The following TM6SF1 variants were observed in gnomAD, a reference collection of about 807,000 sequenced individuals.
TM6SF1 encodes the protein transmembrane 6 superfamily member 1.
In TM6SF1, 43 loss-of-function variants were observed where a neutral mutation model predicts 47.1. The ratio of observed to expected loss-of-function variants is 0.91; its 90% CI spans 0.72 to 1.18. The LOEUF is 1.18. TM6SF1 is among the 50% of genes most tolerant of loss of function. The pLI is 0.00. For synonymous variants in TM6SF1, 177 were observed against 166.3 expected (o/e 1.06, Z -0.49); for missense variants, 390 against 449.0 (o/e 0.87, Z 1.19).
At chr15:83,117,805 C>T (rs921001364) in intron 3 of TM6SF1, among the ~76,000 whole-genome samples, 1 of 152,002 alleles carries the variant, frequency 6.6e-6, no homozygotes, top group African/African-American at 2.4e-5. Flanking sequence ...AGAGCCAGGC[C>T]TTGAGAATCT....
At chr15:83,126,610 T>C in intron 7 of TM6SF1, 145 bp from the exon 8 acceptor site, 1 of 611,266 alleles carries the variant, frequency 1.6e-6, no homozygotes, top group South Asian at 2.3e-5. Flanking sequence ...GCAAAATATT[T>C]CCATCATTGA....
At chr15:83,124,888 A>G in intron 7 of TM6SF1, 112 bp downstream of exon 7, 1 of 924,144 alleles carries the variant, frequency 1.1e-6, no homozygotes, top group Non-Finnish European at 1.7e-6. Flanking sequence ...TAGCAAACTA[A>G]CAAACCATTC....
intron 1 of TM6SF1, 132 bp from the exon 2 acceptor site, chr15:83,112,665 G>A (rs2034292607): frequency 8.5e-6 from 6 of 704,484 alleles, no homozygotes; most frequent in East Asian, 7.8e-5. Context: ...ACAGTGCTGG[G>A]AGCTGCAGGC....
intron 2 of TM6SF1, chr15:83,114,005 A>T (rs990193221): frequency 2.0e-5 from 3 of 152,258 alleles, no homozygotes; most frequent in African/African-American, 7.2e-5. Flanking sequence ...GAAGCTTCAG[A>T]AATGATGTAA....
At chr15:83,119,784 T>C (rs1048269343) in intron 4 of TM6SF1, 103 bp downstream of exon 4, 2 of 1,551,884 alleles carry the variant, frequency 1.3e-6, no homozygotes, top group African/African-American at 2.7e-5. Flanking sequence ...GCAGGTATAC[T>C]GGACATGAAT....
Position 83,107,946 on chromosome 15 carries a change from C to A in TM6SF1, c.92+174C>A. 1.6e-6 allele frequency: 2 copies of A among 1,240,572 alleles called. No individual in the cohort carries two copies. The highest frequency in any genetic ancestry group is 2.1e-6 in the Non-Finnish European group (2 of 974,458). The allele number at this position is 1,240,572 out of a possible 1,614,324, so 76.8% of individuals were successfully genotyped here. A position where few individuals can be genotyped will look rare whatever the true frequency, so the allele number is the denominator to read the frequency against. ...GACTAGGGGGGCGCCCCAGGGGTCGCACGGGCCGGGTCTTGGAGCCGGGCC... is the reference window on the plus strand; with the variant it reads ...GACTAGGGGGGCGCCCCAGGGGTCGAACGGGCCGGGTCTTGGAGCCGGGCC... On this transcript the variant is annotated intron_variant, in intron 1 of 9. Transcript: ENST00000322019. The surrounding 1 kb of genome is among the most constrained non-coding windows in gnomAD (Gnocchi z 5.6).
At chr15:83,110,931 T>C (rs58281154) in intron 1 of TM6SF1, among the ~76,000 whole-genome samples, 38,410 of 152,136 alleles carry the variant, frequency 0.25, 5,232 homozygotes, top group African/African-American at 0.35. Flanking sequence ...ACTGCAGTGG[T>C]GCAATCTTGG....
At chr15:83,112,231 C>G (rs2034256396) in intron 1 of TM6SF1, among the ~76,000 whole-genome samples, 1 of 152,188 alleles carries the variant, frequency 6.6e-6, no homozygotes, top group Non-Finnish European at 1.5e-5. Flanking sequence ...TCATTCTGGC[C>G]TCAGGTCTAG....
chr15:83,110,493 G>A (rs951627757), intron 1 of TM6SF1, among the ~76,000 whole-genome samples: 5 of 152,154 alleles, frequency 3.3e-5, no homozygotes. Flanking sequence ...GGAGCTAAGA[G>A]CATGAGAGGA....
chr15:83,137,231 A>G lies in TM6SF1; in HGVS notation c.*559A>G, dbSNP rs1185050205. 1.3e-5 allele frequency: 2 copies of G among 152,192 alleles called. No homozygotes were observed. The highest frequency in any genetic ancestry group is 2.9e-5 in the Non-Finnish European group (2 of 68,016). 9.4% of individuals were successfully genotyped at this position (152,192 alleles called of 1,614,324 possible). ...ACTTTTACTAAATTTTTTTGTGTGA[A>G]TTTAAACAGCTAAATAGGGATCAGT... On this transcript the variant is annotated 3_prime_UTR_variant, in exon 10 of 10. Transcript: ENST00000322019.
At chr15:83,112,983 G>T in intron 2 of TM6SF1, 83 bp downstream of exon 2, 1 of 1,172,378 alleles carries the variant, frequency 8.5e-7, no homozygotes. Context: ...CTCCTTGGTT[G>T]TGAATACTCT....
Position 83,115,915 on chromosome 15 carries a change from C to T in TM6SF1, c.267C>T (p.Asp89=), listed in dbSNP as rs148388166. 7.7e-5 allele frequency: 124 copies of T among 1,614,002 alleles called. No individual in the cohort carries two copies. The African/African-American group carries it at 1.0e-3, about 13-fold the overall frequency. The change falls in exon 3 of 10, where the codon GAC becomes GAT. Residue 89 remains aspartate (D), a synonymous_variant. Transcript: ENST00000322019. ...IIGLEQDGII[D]GFMTHYLREG... ...GACTGGAGCAAGATGGAATCATTGACGGGTTCATGACACACTACTTGAGAG... is the reference window on the plus strand; with the variant it reads ...GACTGGAGCAAGATGGAATCATTGATGGGTTCATGACACACTACTTGAGAG...
At chr15:83,123,394 G>T (rs1307176794) in intron 6 of TM6SF1, among the ~76,000 whole-genome samples, 4 of 152,212 alleles carry the variant, frequency 2.6e-5, no homozygotes, top group Non-Finnish European at 5.9e-5. Context: ...AGCCAAGGTA[G>T]TCAAGGTGAA....
intron 9 of TM6SF1, chr15:83,127,710 T>C: frequency 2.5e-6 from 1 of 403,570 alleles, no homozygotes; most frequent in African/African-American, 2.1e-5. Flanking sequence ...TTATCTGTGG[T>C]CCAGTGAAGT....
chr15:83,135,746 C>T (rs1596536416), intron 9 of TM6SF1: 1 of 152,334 alleles, frequency 6.6e-6, no homozygotes, highest in African/African-American at 2.4e-5. Context: ...ACATGTCGTA[C>T]TTCTAAATAA....
At position 83,119,604 on chromosome 15, in the gene TM6SF1, T is replaced by C; in HGVS notation, c.321T>C (p.Tyr107=). Residue 107 remains tyrosine, a synonymous_variant, in exon 4 of 10, where the codon TAT becomes TAC. Coordinates refer to ENST00000322019, the MANE Select transcript of TM6SF1 (RefSeq NM_023003.5). ...REGEPYLNTA[Y]GHMICYWDGS... ...GTGAACCGTATCTGAACACCGCATATGGGCACATGATCTGCTACTGGGATG... is the reference window on the plus strand; with the variant it reads ...GTGAACCGTATCTGAACACCGCATACGGGCACATGATCTGCTACTGGGATG... 3.1e-6 allele frequency: 5 copies of C among 1,614,252 alleles called. No homozygotes were observed. The highest frequency in any genetic ancestry group is 4.2e-6 in the Non-Finnish European group (5 of 1,180,048).
chr15:83,111,120 C>T (rs1202753831), intron 1 of TM6SF1, among the ~76,000 whole-genome samples: 8 of 152,200 alleles, frequency 5.3e-5, no homozygotes, highest in South Asian at 2.1e-4. Context: ...GATCCACCCG[C>T]CTCGACCTCC....
intron 6 of TM6SF1, among the ~76,000 whole-genome samples, chr15:83,124,446 A>G (rs2035550010): frequency 6.6e-6 from 1 of 152,218 alleles, no homozygotes; most frequent in East Asian, 1.9e-4. Flanking sequence ...TAGAGCTACA[A>G]GAGCCCTTCG....
chr15:83,107,740 C>G lies in TM6SF1; in HGVS notation c.60C>G (p.Thr20=). The G allele has an allele frequency of 6.3e-7, 1 of 1,584,534 alleles. No individual in the cohort carries two copies. The highest frequency in any genetic ancestry group is 8.6e-7 in the Non-Finnish European group (1 of 1,166,942). ...TGTCCCTCTCGGCCATCCCGGTCAC[C>G]TATGTCTTCAACCACCTGGCGGCCC... The part of the protein sequence containing the change: ...FVLSLSAIPV[T]YVFNHLAAQH... Residue 20 remains threonine (T), a synonymous_variant, in exon 1 of 10, where the codon ACC becomes ACG. Transcript: ENST00000322019. The surrounding 1 kb of genome is among the most constrained non-coding windows in gnomAD (Gnocchi z 5.6).
Sources: allele counts gnomAD v4.1 joint callset (sites outside exome capture counted in the v4.1 genomes callset), GRCh38; gene constraint gnomAD v4.1.1; non-coding constraint Gnocchi (gnomAD v3.1); transcripts MANE v1.5; gene names NCBI Gene and HGNC (gene_info 2026-07-23, HGNC 2026-07-21).